The following C3 variants were observed in gnomAD, a reference collection of about 807,000 sequenced individuals.
The protein encoded by C3 is complement C3.
In C3, 97 loss-of-function variants were observed where a neutral mutation model predicts 207.9. The observed-to-expected ratio is 0.47, with a 90% CI of 0.40 to 0.55. C3 has a LOEUF of 0.55. Ranked by LOEUF, C3 falls within the 20% of genes least tolerant of loss-of-function variation. The probability of loss-of-function intolerance (pLI) is 0.00; values close to 1 mark genes in which losing one functional copy is unlikely to be tolerated. For missense variants in C3, 1,684 were observed against 2,171.7 expected (o/e 0.78, Z 4.46); for synonymous variants, 848 against 857.6 (o/e 0.99, Z 0.20).
chr19:6,695,236 C>T (rs1014599398), intron 23 of C3, among the ~76,000 whole-genome samples: 2 of 150,300 alleles, frequency 1.3e-5, no homozygotes, highest in Non-Finnish European at 3.0e-5. Context: ...CGCCACTGCA[C>T]TCTAGCCTGG....
chr19:6,709,809 G>A lies in C3; in HGVS notation c.1720C>T (p.Gln574Ter). ...GTCATCTGCTGCCCAGGTACAGGCT[G>A]CCGGTCTTCTGACTGGCCGCTTTTT... ...VVKSGQSEDR[Q>*]PVPGQQMTLK... The change falls in exon 14 of 41, where the codon CAG becomes TAG. Residue 574 changes from glutamine (Q) to a stop codon, truncating the protein, a stop_gained. Coordinates refer to ENST00000245907, the MANE Select transcript of C3 (RefSeq NM_000064.4). LOFTEE classifies it high-confidence loss of function. 1 of 1,613,954 alleles carries A rather than the reference G, an allele frequency of 6.2e-7. No homozygotes were observed. The highest frequency in any genetic ancestry group is 8.5e-7 in the Non-Finnish European group (1 of 1,180,020).
At position 6,697,756 on chromosome 19, in the gene C3, G is replaced by A. The variant is rs1967571311; in HGVS notation, c.2479C>T (p.Gln827Ter). Residue 827 changes from glutamine to a stop codon, truncating the protein, a stop_gained, in exon 20 of 41, where the codon CAG becomes TAG. Transcript: ENST00000245907. LOFTEE classifies it high-confidence loss of function. ...AGCCGCAGGTCGATGAAGAAGTCCT[G>A]CATTACTGTGACCTCGAAGGGGTCT... is the stretch of plus-strand genomic sequence containing the variant. ...VADPFEVTVM[Q>*]DFFIDLRLPY... The A allele has an allele frequency of 6.2e-7, 1 of 1,613,824 alleles. No homozygotes were observed. Among genetic ancestry groups the A allele is most frequent in the African/African-American group, 1.3e-5 (1 of 74,864 alleles).
chr19:6,686,997 T>G, intron 27 of C3, 95 bp from the exon 28 acceptor site: 1 of 1,327,070 alleles, frequency 7.5e-7, no homozygotes, highest in Non-Finnish European at 1.1e-6. Context: ...ATCAGGGATT[T>G]CTGTCCTTGG....
chr19:6,681,992 C>T lies in C3; in HGVS notation c.4299G>A (p.Glu1433=), dbSNP rs1308694521. The change falls in exon 35 of 41, where the codon GAG becomes GAA. Residue 1433 remains glutamate, a synonymous_variant. Transcript: ENST00000245907. ...NGVDRYISKY[E]LDKAFSDRNT... is the part of the protein sequence containing the mutation. ...TCCTATCGGAGAAGGCTTTGTCCAG[C>T]TCATACTTGGAGATGTATCTGTCAA... The T allele has an allele frequency of 1.2e-6, 2 of 1,614,178 alleles. No individual in the cohort carries two copies. The highest frequency in any genetic ancestry group is 1.7e-5 in the Admixed American group (1 of 60,022).
At chr19:6,711,975 GA>G (rs765278280) in intron 11 of C3, among the ~76,000 whole-genome samples, 38 of 152,288 alleles carry the variant, frequency 2.5e-4, no homozygotes, top group Non-Finnish European at 4.1e-4. Flanking sequence ...TCAAACTGCG[GA>G]CCCCTCCATG....
At position 6,707,532 on chromosome 19, in the gene C3, G is replaced by C; in HGVS notation, c.1981C>G (p.Gln661Glu). 6.2e-7 allele frequency: 1 copy of C among 1,614,040 alleles called. No homozygotes were observed. The highest frequency in any genetic ancestry group is 8.5e-7 in the Non-Finnish European group (1 of 1,179,972). ...GQQTAQRAEL[Q>E]CPQPAARRRR... ...CGGCGGGCGGCTGGCTGCGGGCACT[G>C]AAGTTCTGCAGGGCAGGCGGACCGA... is the stretch of plus-strand genomic sequence containing the variant. The change falls in exon 16 of 41, where the codon CAG becomes GAG. Residue 661 changes from glutamine (Q) to glutamate (E), a missense_variant. Physicochemically the swap from Gln to Glu is conservative, Grantham distance 29 (BLOSUM62 2). Transcript: ENST00000245907.
chr19:6,691,064 T>TTA (rs945638127), intron 26 of C3, among the ~76,000 whole-genome samples: 11 of 151,190 alleles, frequency 7.3e-5, no homozygotes, highest in African/African-American at 2.7e-4. Flanking sequence ...ACTTTTTTTT[T>TTA]TTTTTTTTGG....
chr19:6,690,710 G>A lies in C3; in HGVS notation c.3408C>T (p.Asn1136=), dbSNP rs756349978. ...CCGTGAGGGCCATGTCTTTCTCGTT[G>A]TTGTTCCGTAATCCACCCTGAGATA... ...HQEMIGGLRN[N]NEKDMALTAF... is the part of the protein sequence containing the mutation. Residue 1136 remains asparagine (N), a synonymous_variant, in exon 27 of 41, where the codon AAC becomes AAT. Coordinates refer to ENST00000245907, the MANE Select transcript of C3 (RefSeq NM_000064.4). The A allele has an allele frequency of 2.5e-6, 4 of 1,614,146 alleles. No homozygotes were observed. The South Asian group carries it at 4.4e-5, about 18-fold the overall frequency.
At chr19:6,713,819 C>CCCCACCCCCAGCCCCCCACCTTA in intron 7 of C3, 173 bp downstream of exon 7, 1 of 187,344 alleles carries the variant, frequency 5.3e-6, no homozygotes, top group Non-Finnish European at 9.7e-6. Flanking sequence ...CCTCACCTTG[C>CCCCACCCCCAGCCCCCCACCTTA]CCCACCCCCA....
Position 6,700,411 on chromosome 19 carries a change from A to G in C3, c.2440+1716T>C, listed in dbSNP as rs1191985116. Among the ~76,000 whole-genome samples the G allele has an allele frequency of 5.6e-5, 3 of 53,160 alleles. 1 individual carries two copies. The highest frequency in any genetic ancestry group is 8.2e-5 in the Non-Finnish European group (3 of 36,430). 34.9% of individuals were successfully genotyped at this position (53,160 alleles called of 152,430 possible). ...ATATGATATATATGTAATATGATAT[A>G]TTATATATGTAATATATGATATATG... is the stretch of plus-strand genomic sequence containing the variant. On this transcript the variant is annotated intron_variant, in intron 19 of 40. Coordinates refer to ENST00000245907, the MANE Select transcript of C3 (RefSeq NM_000064.4).
In C3 at chr19:6,718,376, G is replaced by T. The variant is rs2230199; in HGVS notation, c.304C>A (p.Arg102Ser). Residue 102 changes from arginine to serine, a missense_variant, in exon 3 of 41, where the codon CGC becomes AGC. Around this residue, in one of 3 missense-constraint regions of C3, gnomAD observed 1,280 missense variants for 1,739.1 expected, o/e 0.74. Coordinates refer to ENST00000245907, the MANE Select transcript of C3 (RefSeq NM_000064.4). ...GCCTGCACGGTCACGAACTTGTTGC[G>T]CCCCTTTTCTGACTTGAACTCCCTG... is the stretch of plus-strand genomic sequence containing the variant. ...ANREFKSEKG[R>S]NKFVTVQATF... The T allele has an allele frequency of 6.2e-7, 1 of 1,614,118 alleles. No individual in the cohort carries two copies. The highest frequency in any genetic ancestry group is 8.5e-7 in the Non-Finnish European group (1 of 1,180,016).
intron 18 of C3, 99 bp downstream of exon 18, chr19:6,702,372 G>T: frequency 9.9e-7 from 1 of 1,009,556 alleles, no homozygotes. Context: ...GGGCTGTGGG[G>T]TTGCACTGTG....
intron 27 of C3, among the ~76,000 whole-genome samples, chr19:6,687,451 G>A (rs1366058015): frequency 6.6e-6 from 1 of 152,130 alleles, no homozygotes; most frequent in Non-Finnish European, 1.5e-5. Context: ...CATAAAACCT[G>A]ATGAGCATAC....
At chr19:6,711,312 T>A in intron 11 of C3, 116 bp from the exon 12 acceptor site, 1 of 768,904 alleles carries the variant, frequency 1.3e-6, no homozygotes, top group Non-Finnish European at 2.3e-6. Context: ...CAGATGGGAT[T>A]AAGTTAGGGA....
At chr19:6,710,471 GAC>G (rs1295566235) in intron 13 of C3, among the ~76,000 whole-genome samples, 166 bp downstream of exon 13, 1 of 149,946 alleles carries the variant, frequency 6.7e-6, no homozygotes, top group African/African-American at 2.5e-5. Flanking sequence ...TAAAAAGAGA[GAC>G]AGTTGAGAGA....
At position 6,700,652 on chromosome 19, in the gene C3, AAT is replaced by A. The variant is rs1480799960; in HGVS notation, c.2440+1473_2440+1474del. On this transcript the variant is annotated intron_variant, in intron 19 of 40. Transcript: ENST00000245907. ...ATGATATATTATATATGTAATATAT[AAT>A]ATATGATATATTATATATGTAATAT... Among the ~76,000 whole-genome samples the A allele has an allele frequency of 2.5e-4, 9 of 35,540 alleles. 3 individuals are homozygous for A. The highest frequency in any genetic ancestry group is 2.6e-4 in the Non-Finnish European group (6 of 22,940). 23.3% of individuals were successfully genotyped at this position (35,540 alleles called of 152,430 possible).
At chr19:6,704,433 G>A (rs1372946054) in intron 17 of C3, among the ~76,000 whole-genome samples, 1 of 152,122 alleles carries the variant, frequency 6.6e-6, no homozygotes, top group African/African-American at 2.4e-5. Flanking sequence ...TAACAACAAA[G>A]TAGCTGGAAT....
intron 14 of C3, among the ~76,000 whole-genome samples, chr19:6,709,039 C>T (rs4807894): frequency 0.015 from 2,244 of 152,192 alleles, 21 homozygotes; most frequent in Middle Eastern, 0.044. Flanking sequence ...GCATTCCCAT[C>T]CTCACTCCTG....
intron 17 of C3, 75 bp downstream of exon 17, chr19:6,706,990 CAGACAGGGCAT>C: frequency 1.2e-4 from 113 of 949,694 alleles, no homozygotes; most frequent in South Asian, 5.0e-4. Context: ...CCACCCCCAC[CAGACAGGGCAT>C]CCTCCCTCCT....
Sources: gnomAD v4.1 joint callset for allele counts (sites outside exome capture counted in the v4.1 genomes callset) on GRCh38, gnomAD v4.1.1 for gene constraint, gnomAD v4.1.1 regional missense constraint, MANE v1.5 for transcripts, NCBI Gene and HGNC (gene_info 2026-07-23, HGNC 2026-07-21) for gene names.